The following SLC9B1 variants were observed in gnomAD, a reference collection of about 807,000 sequenced individuals.
The protein encoded by SLC9B1 is sodium/hydrogen exchanger 9B1.
A neutral mutation model predicts 51.7 loss-of-function variants in SLC9B1; 32 were observed. That is an observed-to-expected ratio of 0.62 (90% CI 0.47 to 0.83). The LOEUF (loss-of-function observed/expected upper bound fraction) is 0.83. Among genes scored for constraint, SLC9B1 ranks in the 40% least tolerant of loss-of-function variants. SLC9B1 has a pLI of 0.00. For missense variants in SLC9B1, 406 were observed against 613.2 expected (o/e 0.66, Z 3.57); for synonymous variants, 145 against 212.7 (o/e 0.68, Z 2.77).
chr4:102,887,410 C>G (rs1445354973), intron 11 of SLC9B1: 1 of 1,151,606 alleles, frequency 8.7e-7, no homozygotes, highest in Non-Finnish European at 1.3e-6. Flanking sequence ...TCCACTAATA[C>G]TGAAGAAGAA....
chr4:102,973,084 A>T (rs1738848385), intron 3 of SLC9B1, among the ~76,000 whole-genome samples: 1 of 152,174 alleles, frequency 6.6e-6, no homozygotes, highest in South Asian at 2.1e-4. Context: ...AAAGCACAAA[A>T]CATGATGACA....
intron 7 of SLC9B1, among the ~76,000 whole-genome samples, chr4:102,921,156 AG>A (rs1735854524): frequency 6.6e-6 from 1 of 152,250 alleles, no homozygotes; most frequent in African/African-American, 2.4e-5. Context: ...AAGGGCACCC[AG>A]AGAGAAAGGT....
At chr4:102,998,094 T>C (rs1405398804) in intron 1 of SLC9B1, among the ~76,000 whole-genome samples, 1 of 152,192 alleles carries the variant, frequency 6.6e-6, no homozygotes, top group African/African-American at 2.4e-5. Context: ...TAAGCAACCA[T>C]CACCACCATC....
chr4:103,009,459 T>C (rs923608409), intron 1 of SLC9B1, among the ~76,000 whole-genome samples: 1 of 152,234 alleles, frequency 6.6e-6, no homozygotes, highest in Admixed American at 6.5e-5. Context: ...GGTATGCCAA[T>C]TAAATTTGAC....
At chr4:102,927,466 A>C (rs1736243744) in intron 7 of SLC9B1, among the ~76,000 whole-genome samples, 1 of 152,254 alleles carries the variant, frequency 6.6e-6, no homozygotes, top group South Asian at 2.1e-4. Context: ...TAACAGACAC[A>C]TGAAAAAATG....
At chr4:102,887,442 A>C in intron 11 of SLC9B1, 1 of 904,496 alleles carries the variant, frequency 1.1e-6, no homozygotes, top group Non-Finnish European at 1.8e-6. Context: ...AATAATAACA[A>C]TATTTTCTCA....
At chr4:103,016,985 T>C (rs1176353581) in intron 1 of SLC9B1, 1 of 152,150 alleles carries the variant, frequency 6.6e-6, no homozygotes, top group Non-Finnish European at 1.5e-5. Flanking sequence ...CTTTGATTTC[T>C]AATAAGAATG....
chr4:103,005,546 C>G (rs1320599315), intron 1 of SLC9B1, among the ~76,000 whole-genome samples: 3 of 152,206 alleles, frequency 2.0e-5, no homozygotes, highest in Non-Finnish European at 4.4e-5. Context: ...CTAGACAGAT[C>G]ACTGAGGCAG....
At chr4:102,886,700 C>G (rs1016594925) in intron 11 of SLC9B1, among the ~76,000 whole-genome samples, 11 of 152,038 alleles carry the variant, frequency 7.2e-5, no homozygotes, top group African/African-American at 2.7e-4. Context: ...ACTGCAACCT[C>G]CACCTCCTGG....
At chr4:102,997,450 C>T (rs1261286146) in intron 1 of SLC9B1, among the ~76,000 whole-genome samples, 3 of 151,958 alleles carry the variant, frequency 2.0e-5, no homozygotes, top group African/African-American at 7.2e-5. Flanking sequence ...AAAATTATAA[C>T]TTTAAAAATT....
At chr4:102,949,609 C>A (rs971739907) in intron 3 of SLC9B1, among the ~76,000 whole-genome samples, 182 bp from the exon 4 acceptor site, 3 of 152,116 alleles carry the variant, frequency 2.0e-5, no homozygotes, top group African/African-American at 4.8e-5. Flanking sequence ...TTCCAAATAA[C>A]CTGTCAATTT....
At chr4:102,891,340 C>A (rs1342854679) in intron 11 of SLC9B1, 1 of 152,080 alleles carries the variant, frequency 6.6e-6, no homozygotes, top group Non-Finnish European at 1.5e-5. Flanking sequence ...GGGTGAACTA[C>A]AAAATGTGAC....
intron 6 of SLC9B1, 81 bp downstream of exon 6, chr4:102,945,112 C>A (rs1737203223): frequency 7.5e-7 from 1 of 1,337,404 alleles, no homozygotes; most frequent in East Asian, 2.5e-5. Flanking sequence ...CTTTTCTATA[C>A]AACATTCTGA....
intron 3 of SLC9B1, among the ~76,000 whole-genome samples, chr4:102,983,501 C>T (rs1440777340): frequency 1.3e-5 from 2 of 152,032 alleles, no homozygotes; most frequent in African/African-American, 4.8e-5. Flanking sequence ...AATTTATCAG[C>T]GAATCCACCT....
chr4:102,903,777 C>G (rs1381898092), intron 11 of SLC9B1, among the ~76,000 whole-genome samples: 1 of 152,182 alleles, frequency 6.6e-6, no homozygotes, highest in Non-Finnish European at 1.5e-5. Flanking sequence ...GTTTCCCTTT[C>G]TGTTCATTCA....
At chr4:103,013,989 G>C (rs1455795591) in intron 1 of SLC9B1, among the ~76,000 whole-genome samples, 8 of 152,042 alleles carry the variant, frequency 5.3e-5, no homozygotes, top group Non-Finnish European at 8.8e-5. Context: ...TCACAATGCA[G>C]AACAATATTC....
chr4:102,947,613 A>G (rs954259603), intron 4 of SLC9B1, among the ~76,000 whole-genome samples: 9 of 152,204 alleles, frequency 5.9e-5, no homozygotes, highest in African/African-American at 2.2e-4. Flanking sequence ...TTGGCCTCCC[A>G]AAGTGCTGGG....
At chr4:102,969,045 G>T (rs1738596028) in intron 3 of SLC9B1, among the ~76,000 whole-genome samples, 1 of 152,210 alleles carries the variant, frequency 6.6e-6, no homozygotes, top group African/African-American at 2.4e-5. Context: ...CTCGAACTGG[G>T]TGGAGCTCAC....
At chr4:102,987,997 C>T (rs1385846987) in intron 3 of SLC9B1, among the ~76,000 whole-genome samples, 1 of 151,970 alleles carries the variant, frequency 6.6e-6, no homozygotes, top group African/African-American at 2.4e-5. Flanking sequence ...ACGTGTAGAA[C>T]TGGAAACTGG....
Sources: gnomAD v4.1 joint callset for allele counts (sites outside exome capture counted in the v4.1 genomes callset) on GRCh38, gnomAD v4.1.1 for gene constraint, MANE v1.5 for transcripts, NCBI Gene and HGNC (gene_info 2026-07-23, HGNC 2026-07-21) for gene names.